Variants in MBOAT2 observed in about 807,000 individuals in gnomAD.
MBOAT2 encodes the protein membrane-bound glycerophospholipid O-acyltransferase 2.
In MBOAT2, 28 loss-of-function variants were observed where a neutral mutation model predicts 63.4. The observed-to-expected ratio is 0.44, with a 90% CI of 0.33 to 0.61. The LOEUF (loss-of-function observed/expected upper bound fraction) is 0.61, where lower values mean the gene tolerates loss of function less well. Among genes scored for constraint, MBOAT2 ranks in the 20% least tolerant of loss-of-function variants. The probability of loss-of-function intolerance (pLI) is 0.03; values close to 1 mark genes in which losing one functional copy is unlikely to be tolerated. For missense variants in MBOAT2, 470 were observed against 605.8 expected (o/e 0.78, Z 2.35); for synonymous variants, 211 against 215.6 (o/e 0.98, Z 0.19).
At chr2:8,871,521 G>A (rs1662326793) in intron 8 of MBOAT2, among the ~76,000 whole-genome samples, 1 of 152,182 alleles carries the variant, frequency 6.6e-6, no homozygotes, top group Non-Finnish European at 1.5e-5. Context: ...GTTTAGGAAA[G>A]TTCTCAGTCT....
chr2:8,913,585 C>A (rs10165076), intron 3 of MBOAT2, among the ~76,000 whole-genome samples: 2,771 of 152,196 alleles, frequency 0.018, 31 homozygotes, highest in Middle Eastern at 0.037. Flanking sequence ...AAATGCCCAA[C>A]ATCACTAATG....
intron 1 of MBOAT2, among the ~76,000 whole-genome samples, chr2:8,963,750 T>G (rs898773258): frequency 5.3e-5 from 8 of 152,246 alleles, no homozygotes; most frequent in Non-Finnish European, 1.0e-4. Flanking sequence ...GTATATACAT[T>G]CATTTATTAA....
intron 4 of MBOAT2, among the ~76,000 whole-genome samples, chr2:8,896,384 C>T (rs1273189882): frequency 1.3e-5 from 2 of 152,054 alleles, no homozygotes; most frequent in Non-Finnish European, 2.9e-5. Flanking sequence ...GCACAGTCCT[C>T]CTTTCTCAGC....
chr2:8,875,857 T>G (rs1029723474), intron 7 of MBOAT2, among the ~76,000 whole-genome samples: 1 of 152,232 alleles, frequency 6.6e-6, no homozygotes, highest in Non-Finnish European at 1.5e-5. Context: ...ATAGAAAATA[T>G]GAAGACAAAA....
intron 1 of MBOAT2, among the ~76,000 whole-genome samples, chr2:8,978,244 C>T (rs1670959338): frequency 6.6e-6 from 1 of 152,088 alleles, no homozygotes; most frequent in Admixed American, 6.6e-5. Context: ...TCACTTCCAC[C>T]CCAAAGCTGA....
rs921361334 is a variant in MBOAT2 at position 8,856,184 on chromosome 2, C to T, written c.*2495G>A. ...ATCAAATATCTTGCTTTCTAGATGA[C>T]AGTGCCAAGATCATATTCACTGAGC... On this transcript the variant is annotated 3_prime_UTR_variant, in exon 13 of 13. Coordinates refer to ENST00000305997, the MANE Select transcript of MBOAT2 (RefSeq NM_138799.4). The surrounding 1 kb of genome is among the most constrained non-coding windows in gnomAD (Gnocchi z 4.2). 13 of 152,082 alleles carry T rather than the reference C, an allele frequency of 8.5e-5. No individual in the cohort carries two copies. Among genetic ancestry groups the T allele is most frequent in the Admixed American group, 5.2e-4 (8 of 15,276 alleles). 9.4% of individuals were successfully genotyped at this position (152,082 alleles called of 1,614,324 possible).
intron 3 of MBOAT2, among the ~76,000 whole-genome samples, chr2:8,919,849 G>A (rs189460233): frequency 8.1e-4 from 123 of 152,056 alleles, no homozygotes; most frequent in African/African-American, 2.2e-3. Context: ...TGGACTCCTG[G>A]GTTCAAGTGA....
intron 4 of MBOAT2, among the ~76,000 whole-genome samples, chr2:8,892,708 C>A (rs561338271): frequency 1.3e-5 from 2 of 152,156 alleles, no homozygotes; most frequent in Non-Finnish European, 2.9e-5. Flanking sequence ...CAGGTGGGAA[C>A]CGGCCTCACC....
At chr2:8,924,086 A>G in intron 3 of MBOAT2, among the ~76,000 whole-genome samples, 1 of 152,194 alleles carries the variant, frequency 6.6e-6, no homozygotes, top group African/African-American at 2.4e-5. Context: ...AGTTCTTTAA[A>G]TGAGAAATCG....
intron 7 of MBOAT2, among the ~76,000 whole-genome samples, chr2:8,875,394 C>A (rs1662632565): frequency 6.6e-6 from 1 of 152,114 alleles, no homozygotes; most frequent in Non-Finnish European, 1.5e-5. Flanking sequence ...GATAGTAAAA[C>A]CCATAAAAAC....
chr2:8,963,803 T>A (rs1196341945), intron 1 of MBOAT2, among the ~76,000 whole-genome samples: 2 of 152,248 alleles, frequency 1.3e-5, no homozygotes, highest in Non-Finnish European at 2.9e-5. Flanking sequence ...ATGCTTTTAC[T>A]ATGTGCTAGA....
chr2:8,975,765 G>A (rs1260574904), intron 1 of MBOAT2, among the ~76,000 whole-genome samples: 3 of 135,274 alleles, frequency 2.2e-5, no homozygotes, highest in African/African-American at 8.9e-5. Context: ...AAACTTACAG[G>A]CCAGTAAAAG....
chr2:8,904,339 T>C (rs1189776328), intron 4 of MBOAT2, among the ~76,000 whole-genome samples: 1 of 150,602 alleles, frequency 6.6e-6, no homozygotes, highest in African/African-American at 2.5e-5. Flanking sequence ...TGAGATAGGA[T>C]CTTGCTGTGT....
chr2:8,965,452 C>T (rs1006430413), intron 1 of MBOAT2, among the ~76,000 whole-genome samples: 1 of 152,132 alleles, frequency 6.6e-6, no homozygotes, highest in Admixed American at 6.6e-5. Context: ...CCATCTTACA[C>T]TTTTTTCCTT....
intron 3 of MBOAT2, among the ~76,000 whole-genome samples, chr2:8,931,494 G>A (rs1667316589): frequency 6.6e-6 from 1 of 152,032 alleles, no homozygotes; most frequent in South Asian, 2.1e-4. Flanking sequence ...TTACACCTTT[G>A]TCAGATGGTT....
intron 4 of MBOAT2, among the ~76,000 whole-genome samples, chr2:8,895,664 T>C (rs1362439028): frequency 1.3e-5 from 2 of 152,186 alleles, no homozygotes; most frequent in Non-Finnish European, 2.9e-5. Flanking sequence ...CCAACTGCTA[T>C]TGAGAATTTG....
intron 3 of MBOAT2, among the ~76,000 whole-genome samples, chr2:8,934,236 A>C (rs928129446): frequency 6.6e-6 from 1 of 152,222 alleles, no homozygotes; most frequent in Admixed American, 6.5e-5. Context: ...TCTGATGAAC[A>C]ATCACCAACA....
chr2:8,885,310 T>C (rs557041805), intron 5 of MBOAT2, among the ~76,000 whole-genome samples: 4 of 152,204 alleles, frequency 2.6e-5, no homozygotes, highest in African/African-American at 4.8e-5. Flanking sequence ...TTTTGTTTTA[T>C]GCACAAAATT....
chr2:8,980,720 G>A (rs1263075939), intron 1 of MBOAT2, among the ~76,000 whole-genome samples: 1 of 152,058 alleles, frequency 6.6e-6, no homozygotes, highest in Non-Finnish European at 1.5e-5. Context: ...GTTAAGTGTT[G>A]ACAAGAATGT....
Sources: allele counts gnomAD v4.1 joint callset (sites outside exome capture counted in the v4.1 genomes callset), GRCh38; gene constraint gnomAD v4.1.1; non-coding constraint Gnocchi (gnomAD v3.1); transcripts MANE v1.5; gene names NCBI Gene and HGNC (gene_info 2026-07-23, HGNC 2026-07-21).